FOLH1: variants seen among roughly 807,000 people sequenced by gnomAD.
FOLH1 encodes the protein glutamate carboxypeptidase 2.
In FOLH1, 54 loss-of-function variants were observed where a neutral mutation model predicts 93.9. The ratio of observed to expected loss-of-function variants is 0.57; its 90% CI spans 0.46 to 0.72. The LOEUF is 0.72. Among genes scored for constraint, FOLH1 ranks in the 30% least tolerant of loss-of-function variants. The probability of loss-of-function intolerance (pLI) is 0.00; values close to 1 mark genes in which losing one functional copy is unlikely to be tolerated. For synonymous variants in FOLH1, 249 were observed against 303.6 expected, an observed-to-expected ratio of 0.82 and a Z score of 1.87; for missense variants, 571 against 892.5, an observed-to-expected ratio of 0.64 and a Z score of 4.59.
intron 17 of FOLH1, among the ~76,000 whole-genome samples, chr11:49,152,115 T>C (rs1025489868): frequency 3.3e-5 from 5 of 152,182 alleles, no homozygotes; most frequent in Non-Finnish European, 7.4e-5. Flanking sequence ...GTATTTCTAA[T>C]AATCCATTGT....
chr11:49,148,291 G>A (rs1306423266), intron 18 of FOLH1, among the ~76,000 whole-genome samples: 3 of 151,040 alleles, frequency 2.0e-5, no homozygotes, highest in Non-Finnish European at 4.4e-5. Flanking sequence ...ATTTAAAATA[G>A]AAAAGGAGCT....
rs1337344109 is a variant in FOLH1 at position 49,145,207 on chromosome 11, C to T, written c.*1549G>A. Among the ~76,000 whole-genome samples the T allele has an allele frequency of 6.6e-6, 1 of 152,184 alleles. No individual in the cohort carries two copies. Among genetic ancestry groups the T allele is most frequent in the Non-Finnish European group, 1.5e-5 (1 of 68,020 alleles). On this transcript the variant is annotated 3_prime_UTR_variant, in exon 19 of 19. Coordinates refer to ENST00000256999, the MANE Select transcript of FOLH1 (RefSeq NM_004476.3). Reference sequence around the variant, plus strand: ...ATAGATCTGGGCCCATTAAATAGTTCTTCTTTGTCACGTGTTAATGATGTT... The same window carrying T: ...ATAGATCTGGGCCCATTAAATAGTTTTTCTTTGTCACGTGTTAATGATGTT...
chr11:49,171,127 T>A, intron 11 of FOLH1, 68 bp downstream of exon 11: 1 of 1,463,026 alleles, frequency 6.8e-7, no homozygotes, highest in Non-Finnish European at 9.1e-7. Flanking sequence ...TATTTTTATG[T>A]GCTTGGCAAA....
chr11:49,175,995 AC>A (rs766292355), intron 7 of FOLH1, 38 bp from the exon 8 acceptor site: 45 of 1,589,554 alleles, frequency 2.8e-5, no homozygotes, highest in South Asian at 6.7e-5. Flanking sequence ...CCACAAAAAA[AC>A]CTTGAAGTAA....
intron 17 of FOLH1, among the ~76,000 whole-genome samples, chr11:49,150,073 A>G (rs1442655669): frequency 6.6e-6 from 1 of 152,162 alleles, no homozygotes; most frequent in Non-Finnish European, 1.5e-5. Flanking sequence ...CCTCTGCCTC[A>G]GCTTCCTGAG....
At chr11:49,149,201 C>A (rs1225235431) in intron 17 of FOLH1, among the ~76,000 whole-genome samples, 1 of 151,984 alleles carries the variant, frequency 6.6e-6, no homozygotes, top group East Asian at 1.9e-4. Flanking sequence ...TGAAAATGAA[C>A]AAACTACCAA....
At chr11:49,153,952 A>C in intron 16 of FOLH1, 25 bp from the exon 17 acceptor site, 1 of 1,570,260 alleles carries the variant, frequency 6.4e-7, no homozygotes, top group African/African-American at 1.4e-5. Flanking sequence ...GGGATCATCA[A>C]ATGCTTAAAG....
intron 2 of FOLH1, among the ~76,000 whole-genome samples, chr11:49,204,989 T>C (rs1863725485): frequency 6.6e-6 from 1 of 152,036 alleles, no homozygotes; most frequent in Non-Finnish European, 1.5e-5. Context: ...GGCGGGCAGA[T>C]CACCTGAGGT....
At chr11:49,193,513 G>C (rs1163804401) in intron 3 of FOLH1, among the ~76,000 whole-genome samples, 2 of 151,838 alleles carry the variant, frequency 1.3e-5, no homozygotes, top group African/African-American at 4.8e-5. Context: ...TAATTACCTA[G>C]GAACAAATTA....
Position 49,186,640 on chromosome 11 carries a change from T to A in FOLH1, c.639+4A>T. The A allele has an allele frequency of 6.2e-7, 1 of 1,611,382 alleles. No individual in the cohort carries two copies. Among genetic ancestry groups the A allele is most frequent in the Non-Finnish European group, 8.5e-7 (1 of 1,178,738 alleles). On this transcript the variant is annotated splice_donor_region_variant and intron_variant, in intron 5 of 18. Coordinates refer to ENST00000256999, the MANE Select transcript of FOLH1 (RefSeq NM_004476.3). Reference sequence around the variant, plus strand: ...GAGAAAAAAAGAGATAATTTTTACCTTACCTTATTTCCTCTGAAAACTTTC... The same window carrying A: ...GAGAAAAAAAGAGATAATTTTTACCATACCTTATTTCCTCTGAAAACTTTC...
intron 12 of FOLH1, among the ~76,000 whole-genome samples, chr11:49,166,423 T>C (rs2135025080): frequency 6.6e-6 from 1 of 152,334 alleles, no homozygotes; most frequent in East Asian, 1.9e-4. Context: ...ATAATAAAAA[T>C]ATTTACTTAC....
chr11:49,163,463 G>C (rs907138323), intron 13 of FOLH1, among the ~76,000 whole-genome samples: 1 of 151,586 alleles, frequency 6.6e-6, no homozygotes, highest in African/African-American at 2.4e-5. Flanking sequence ...CACCCAAACA[G>C]CAAAGATGGC....
intron 4 of FOLH1, 154 bp downstream of exon 4, chr11:49,192,639 C>T: frequency 6.5e-6 from 3 of 463,880 alleles, no homozygotes; most frequent in East Asian, 7.6e-5. Context: ...ATCAATATTC[C>T]TTCTTCTTAC....
At chr11:49,170,797 T>C (rs1050033423) in intron 11 of FOLH1, among the ~76,000 whole-genome samples, 7 of 152,220 alleles carry the variant, frequency 4.6e-5, no homozygotes, top group Non-Finnish European at 1.5e-5. Context: ...GACATGTTTA[T>C]GGCAAGATAT....
chr11:49,183,138 T>C lies in FOLH1; in HGVS notation c.920+11A>G. 1 of 1,587,590 alleles carries C rather than the reference T, an allele frequency of 6.3e-7. No homozygotes were observed. Among genetic ancestry groups the C allele is most frequent in the East Asian group, 2.2e-5 (1 of 44,564 alleles). The stretch of plus-strand genomic sequence containing the variant: ...ACCCAAATAGCCATCCATGGTTTCT[T>C]ACAAACTTACTCTAGGAGCTTCTGT... On this transcript the variant is annotated intron_variant, in intron 7 of 18. Transcript: ENST00000256999.
Position 49,185,687 on chromosome 11 carries a change from G to A in FOLH1, c.808C>T (p.Pro270Ser). Reference protein sequence around the residue: ...NLNGAGDPLTPGYPANEYAYR... With the variant: ...NLNGAGDPLTSGYPANEYAYR... ...CATTCACCATTTGCTGGGTAACCTGGTGTGAGAGGGTCTCCTGCACCATTC... is the reference window on the plus strand; with the variant it reads ...CATTCACCATTTGCTGGGTAACCTGATGTGAGAGGGTCTCCTGCACCATTC... The change falls in exon 6 of 19, where the codon CCA (proline) becomes TCA (serine). Residue 270 changes from proline (P) to serine (S), a missense_variant. By Grantham distance (74) the Pro-to-Ser change is moderately conservative. This residue lies in a region of FOLH1 where 500 missense variants were observed against 822.9 expected (regional missense o/e 0.61). Transcript: ENST00000256999. The A allele has an allele frequency of 1.2e-6, 2 of 1,613,756 alleles. No individual in the cohort carries two copies. The highest frequency in any genetic ancestry group is 1.3e-5 in the African/African-American group (1 of 74,996).
intron 7 of FOLH1, among the ~76,000 whole-genome samples, chr11:49,177,976 A>C (rs1286909210): frequency 6.9e-6 from 1 of 144,474 alleles, no homozygotes; most frequent in Non-Finnish European, 1.5e-5. Flanking sequence ...AAAAAAAAAA[A>C]CAAAAGAAAA....
chr11:49,173,419 G>A lies in FOLH1; in HGVS notation c.1163C>T (p.Pro388Leu). 6.2e-7 allele frequency: 1 copy of A among 1,612,016 alleles called. No individual in the cohort carries two copies. The highest frequency in any genetic ancestry group is 8.5e-7 in the Non-Finnish European group (1 of 1,178,770). Reference sequence around the variant, plus strand: ...ATGAACAACAGCTGCTCCACTCTGAGGGTCAATACCACCAAACACCCATGA... The same window carrying A: ...ATGAACAACAGCTGCTCCACTCTGAAGGTCAATACCACCAAACACCCATGA... Reference protein sequence around the residue: ...RDSWVFGGIDPQSGAAVVHEI... With the variant: ...RDSWVFGGIDLQSGAAVVHEI... Residue 388 changes from proline to leucine, a missense_variant, in exon 10 of 19, where the codon CCT (proline) becomes CTT (leucine). By Grantham distance (98) the Pro-to-Leu change is moderately conservative. Around this residue, in one of 2 missense-constraint regions of FOLH1, gnomAD observed 500 missense variants for 822.9 expected, o/e 0.61. Transcript: ENST00000256999.
intron 17 of FOLH1, among the ~76,000 whole-genome samples, chr11:49,149,289 A>C (rs1445149006): frequency 6.6e-6 from 1 of 152,080 alleles, no homozygotes; most frequent in African/African-American, 2.4e-5. Flanking sequence ...GTTTCAAGTG[A>C]TTTTCAGAAT....
Sources: allele counts gnomAD v4.1 joint callset (sites outside exome capture counted in the v4.1 genomes callset), GRCh38; gene constraint gnomAD v4.1.1; regional missense constraint gnomAD v4.1.1; transcripts MANE v1.5; gene names NCBI Gene and HGNC (gene_info 2026-07-23, HGNC 2026-07-21).